RGS22: variants seen among roughly 807,000 people sequenced by gnomAD.
RGS22 encodes the protein regulator of G protein signaling 22.
A neutral mutation model predicts 172.9 loss-of-function variants in RGS22; 148 were observed. That is an observed-to-expected ratio of 0.86 (90% confidence interval 0.75 to 0.98). The LOEUF (loss-of-function observed/expected upper bound fraction) is 0.98. Among genes scored for constraint, RGS22 ranks in the 50% least tolerant of loss-of-function variants. The pLI is 0.00. For missense variants in RGS22, 1,347 were observed against 1,440.8 expected (o/e 0.93, Z 1.05); for synonymous variants, 458 against 480.2 (o/e 0.95, Z 0.60).
chr8:100,004,361 A>G (rs144170760), intron 16 of RGS22, among the ~76,000 whole-genome samples: 16 of 152,264 alleles, frequency 1.1e-4, no homozygotes, highest in African/African-American at 3.8e-4. Context: ...ACTTGCTTGT[A>G]AATTATTAAC....
intron 3 of RGS22, among the ~76,000 whole-genome samples, chr8:100,087,579 G>C (rs1812258740): frequency 6.6e-6 from 1 of 152,094 alleles, no homozygotes; most frequent in African/African-American, 2.4e-5. Context: ...AACTTACCGG[G>C]TGCCAAATTA....
intron 21 of RGS22, among the ~76,000 whole-genome samples, chr8:99,984,266 A>G (rs1215855432): frequency 6.6e-6 from 1 of 152,166 alleles, no homozygotes; most frequent in Non-Finnish European, 1.5e-5. Context: ...CAGCCTGGGC[A>G]ACAGAGTAAG....
chr8:100,023,262 TATGAATATTCTCTCC>T (rs1368982990), intron 14 of RGS22, among the ~76,000 whole-genome samples: 2 of 152,288 alleles, frequency 1.3e-5, no homozygotes, highest in East Asian at 3.9e-4. Context: ...GTATGAACCC[TATGAATATTCTCTCC>T]ATCAAAATCT....
chr8:100,096,748 A>G (rs1813007953), intron 2 of RGS22, among the ~76,000 whole-genome samples: 1 of 151,326 alleles, frequency 6.6e-6, no homozygotes, highest in South Asian at 2.1e-4. Flanking sequence ...GGCTCAAGCA[A>G]TCCTCCCACC....
At position 100,045,896 on chromosome 8, in the gene RGS22, A is replaced by G. The variant is rs1159460303; in HGVS notation, c.1823+1567T>C. 8.6e-5 allele frequency among the ~76,000 whole-genome samples: 13 copies of G among 152,008 alleles called. No homozygotes were observed. In the East Asian group the frequency reaches 2.5e-3, roughly 29 times the overall value. On this transcript the variant is annotated intron_variant, in intron 11 of 27. Transcript: ENST00000360863. ...AATAGAGCAATGTATAAGAATATCCACTATAACATTGTTTGTAACAGAAAA... is the reference window on the plus strand; with the variant it reads ...AATAGAGCAATGTATAAGAATATCCGCTATAACATTGTTTGTAACAGAAAA...
intron 12 of RGS22, among the ~76,000 whole-genome samples, chr8:100,040,806 T>C (rs1820015754): frequency 6.6e-6 from 1 of 152,164 alleles, no homozygotes; most frequent in Non-Finnish European, 1.5e-5. Context: ...AAGACAATAA[T>C]GGTATAAAAA....
At chr8:99,985,310 T>C (rs1207168309) in intron 21 of RGS22, among the ~76,000 whole-genome samples, 1 of 152,212 alleles carries the variant, frequency 6.6e-6, no homozygotes, top group Non-Finnish European at 1.5e-5. Context: ...ATCTGGCACA[T>C]AGTAAACACT....
intron 2 of RGS22, among the ~76,000 whole-genome samples, chr8:100,098,755 C>G (rs114008541): frequency 0.015 from 2,282 of 150,926 alleles, 60 homozygotes; most frequent in African/African-American, 0.052. Flanking sequence ...TTCTCTCTGT[C>G]TCTCTCTCTC....
chr8:100,009,197 C>A lies in RGS22; in HGVS notation c.2167-628G>T, dbSNP rs535800629. 2.0e-5 allele frequency among the ~76,000 whole-genome samples: 3 copies of A among 152,210 alleles called. No individual in the cohort carries two copies. The East Asian group carries it at 5.8e-4, about 29-fold the overall frequency. ...CTTTGGGAGGCCAAGGCGGGTGGAT[C>A]GCTTGAGGTCAGGAGTTCAAGATGA... is the stretch of plus-strand genomic sequence containing the variant. On this transcript the variant is annotated intron_variant, in intron 14 of 27. Transcript: ENST00000360863.
At chr8:100,068,146 T>C (rs941086211) in intron 6 of RGS22, among the ~76,000 whole-genome samples, 1 of 152,156 alleles carries the variant, frequency 6.6e-6, no homozygotes, top group African/African-American at 2.4e-5. Flanking sequence ...CCTAGCACTT[T>C]GGAAGGCTGA....
At chr8:100,100,986 C>T (rs1366438084) in intron 2 of RGS22, among the ~76,000 whole-genome samples, 1 of 152,136 alleles carries the variant, frequency 6.6e-6, no homozygotes, top group Non-Finnish European at 1.5e-5. Context: ...GATCATTACA[C>T]TACAATGTTT....
At position 99,984,927 on chromosome 8, in the gene RGS22, C is replaced by T. The variant is rs73702110; in HGVS notation, c.3180+2531G>A. ...GATTATTCTCCTGGAACATTTTTAA[C>T]GGCTAGAGAATCTTCTACTATATAG... is the stretch of plus-strand genomic sequence containing the variant. On this transcript the variant is annotated intron_variant, in intron 21 of 27. Coordinates refer to ENST00000360863, the MANE Select transcript of RGS22 (RefSeq NM_015668.5). Among the ~76,000 whole-genome samples, 482 of 152,212 alleles carry T rather than the reference C, an allele frequency of 3.2e-3. 5 individuals are homozygous for T. Among genetic ancestry groups the T allele is most frequent in the African/African-American group, 0.01 (421 of 41,536 alleles).
chr8:100,058,783 G>A lies in RGS22; in HGVS notation c.1514+3808C>T, dbSNP rs548929479. ...CAATCAGAAAGAAAAGAATGTTAAT[G>A]AGCAATAAGTAATCACCTGAAGGTA... On this transcript the variant is annotated intron_variant, in intron 9 of 27. Transcript: ENST00000360863. Among the ~76,000 whole-genome samples the A allele has an allele frequency of 3.9e-5, 6 of 152,188 alleles. No homozygotes were observed. The South Asian group carries it at 1.0e-3, about 26-fold the overall frequency.
At chr8:99,994,974 C>T (rs1814195241) in intron 20 of RGS22, among the ~76,000 whole-genome samples, 1 of 152,080 alleles carries the variant, frequency 6.6e-6, no homozygotes, top group African/African-American at 2.4e-5. Context: ...CATCTACAAC[C>T]ATCTGATCTT....
chr8:100,041,743 C>A, intron 12 of RGS22, 59 bp downstream of exon 12: 9 of 868,038 alleles, frequency 1.0e-5, no homozygotes, highest in Middle Eastern at 2.3e-4. Flanking sequence ...TCTCTAAAAT[C>A]AGGAGATACT....
rs2980539 is a variant in RGS22 at position 100,078,068 on chromosome 8, G to A, written c.339+2066C>T. ...CTTTCCTTTAATTCATAATTGCATA[G>A]TATACCTTTTAATATCCTTTTTACT... On this transcript the variant is annotated intron_variant, in intron 4 of 27. Transcript: ENST00000360863. Among the ~76,000 whole-genome samples the A allele has an allele frequency of 2.6e-4, 39 of 152,144 alleles. 1 individual carries two copies. Among genetic ancestry groups the A allele is most frequent in the Middle Eastern group, 6.8e-3 (2 of 292 alleles).
At position 100,066,314 on chromosome 8, in the gene RGS22, T is replaced by C. The variant is rs769904919; in HGVS notation, c.595-18A>G. ...TAGGAAGCCTAGGAAGAAGGGAGCA[T>C]ATTAGTTTAACATATGATTAGCAGT... On this transcript the variant is annotated intron_variant, in intron 6 of 27. Coordinates refer to ENST00000360863, the MANE Select transcript of RGS22 (RefSeq NM_015668.5). 6.2e-6 allele frequency: 10 copies of C among 1,608,044 alleles called. No individual in the cohort carries two copies. The African/African-American group carries it at 1.3e-4, about 22-fold the overall frequency.
chr8:100,018,042 A>T (rs936892577), intron 14 of RGS22, among the ~76,000 whole-genome samples: 1 of 152,140 alleles, frequency 6.6e-6, no homozygotes, highest in African/African-American at 2.4e-5. Context: ...GAAGGGATAC[A>T]AGCACTGCCT....
chr8:100,023,795 C>A (rs1450467930), intron 14 of RGS22, among the ~76,000 whole-genome samples: 3 of 152,044 alleles, frequency 2.0e-5, no homozygotes, highest in African/African-American at 4.8e-5. Flanking sequence ...GCCTGTGAAG[C>A]CTTTTTGTCT....
Sources: gnomAD v4.1 joint callset for allele counts (sites outside exome capture counted in the v4.1 genomes callset) on GRCh38, gnomAD v4.1.1 for gene constraint, MANE v1.5 for transcripts, NCBI Gene and HGNC (gene_info 2026-07-23, HGNC 2026-07-21) for gene names.